The following RTTN variants were observed in gnomAD, a reference collection of about 807,000 sequenced individuals.
The protein encoded by RTTN is rotatin.
RTTN carries 182 observed loss-of-function variants against 269.2 expected under a neutral mutation model. The observed-to-expected ratio is 0.68, with a 90% CI of 0.60 to 0.76. RTTN has a LOEUF of 0.76. Ranked by LOEUF, RTTN falls within the 30% of genes least tolerant of loss-of-function variation. The pLI is 0.00. For synonymous variants in RTTN, 1,006 were observed against 963.5 expected (o/e 1.04, Z -0.82); for missense variants, 2,545 against 2,608.6 (o/e 0.98, Z 0.53).
intron 31 of RTTN, among the ~76,000 whole-genome samples, chr18:70,087,192 CAAATT>C (rs1253874569): frequency 6.6e-6 from 1 of 151,918 alleles, no homozygotes; most frequent in African/African-American, 2.4e-5. Flanking sequence ...TGAAGATGAT[CAAATT>C]AAATAATCAT....
At chr18:70,097,309 A>G (rs2059028274) in intron 28 of RTTN, among the ~76,000 whole-genome samples, 1 of 152,242 alleles carries the variant, frequency 6.6e-6, no homozygotes, top group African/African-American at 2.4e-5. Flanking sequence ...AAACAGCTTT[A>G]ATTACTAAGA....
chr18:70,183,871 G>A (rs1467233253), intron 10 of RTTN, among the ~76,000 whole-genome samples: 1 of 152,158 alleles, frequency 6.6e-6, no homozygotes, highest in African/African-American at 2.4e-5. Context: ...GGGTTCGAGT[G>A]ATCCTCCTGC....
chr18:70,203,810 T>C (rs1232525755), intron 3 of RTTN, among the ~76,000 whole-genome samples: 1 of 152,148 alleles, frequency 6.6e-6, no homozygotes, highest in African/African-American at 2.4e-5. Flanking sequence ...TAAAAATACA[T>C]TGTTATTGCC....
intron 4 of RTTN, among the ~76,000 whole-genome samples, chr18:70,200,920 C>T (rs911097822): frequency 6.6e-6 from 1 of 152,192 alleles, no homozygotes; most frequent in African/African-American, 2.4e-5. Flanking sequence ...GTGCCTAATA[C>T]ATTTTTTGGT....
At chr18:70,130,612 A>T (rs2059974495) in intron 23 of RTTN, 1 of 151,910 alleles carries the variant, frequency 6.6e-6, no homozygotes, top group Non-Finnish European at 1.5e-5. Flanking sequence ...AAAGAGTAGA[A>T]TGATGATTAC....
chr18:70,118,891 CA>C (rs2059664021), intron 26 of RTTN, among the ~76,000 whole-genome samples: 3 of 152,024 alleles, frequency 2.0e-5, no homozygotes, highest in Non-Finnish European at 4.4e-5. Context: ...AACATCCTTT[CA>C]TAATAAAAAC....
intron 10 of RTTN, among the ~76,000 whole-genome samples, chr18:70,182,372 T>C (rs1361587038): frequency 6.6e-6 from 1 of 152,086 alleles, no homozygotes; most frequent in African/African-American, 2.4e-5. Context: ...TTTAATTAAA[T>C]ATAGACCGAC....
chr18:70,111,679 T>C (rs1012645810), intron 27 of RTTN, among the ~76,000 whole-genome samples: 2 of 152,176 alleles, frequency 1.3e-5, no homozygotes, highest in Admixed American at 1.3e-4. Context: ...TATGTTCGAT[T>C]GGTGTACCTG....
intron 29 of RTTN, 115 bp from the exon 30 acceptor site, chr18:70,092,335 G>T: frequency 6.9e-6 from 5 of 721,178 alleles, no homozygotes; most frequent in South Asian, 2.0e-5. Context: ...TTTTAGACTT[G>T]GTTTTAATCC....
At chr18:70,006,658 C>T (rs1025730972) in intron 46 of RTTN, 174 bp from the exon 47 acceptor site, 1 of 582,264 alleles carries the variant, frequency 1.7e-6, no homozygotes, top group African/African-American at 1.9e-5. Flanking sequence ...GGAGGACAAC[C>T]TCAAAACATT....
intron 10 of RTTN, among the ~76,000 whole-genome samples, chr18:70,182,342 TCAGA>T (rs1215955159): frequency 6.6e-6 from 1 of 152,166 alleles, no homozygotes; most frequent in African/African-American, 2.4e-5. Flanking sequence ...CACAAGGATT[TCAGA>T]CAGCCTGTAA....
At chr18:70,145,229 A>T (rs547883174) in intron 18 of RTTN, among the ~76,000 whole-genome samples, 6 of 152,350 alleles carry the variant, frequency 3.9e-5, no homozygotes, top group African/African-American at 1.2e-4. Context: ...GTTGCAGAAA[A>T]ACAAGTTCAG....
In RTTN at chr18:70,123,845, T is replaced by C. The variant is rs2059797552; in HGVS notation, c.3384-2145A>G. On this transcript the variant is annotated intron_variant, in intron 25 of 48. Transcript: ENST00000640769. ...CAGTTTTGCCCACTGCTATATTTCC[T>C]ACAAGAGTGACACCTAGTAGGTGAT... Among the ~76,000 whole-genome samples the C allele has an allele frequency of 3.3e-5, 5 of 152,188 alleles. No homozygotes were observed. In the South Asian group the frequency reaches 1.0e-3, roughly 32 times the overall value.
chr18:70,004,102 G>T lies in RTTN; in HGVS notation c.*49C>A. 1 of 1,429,520 alleles carries T rather than the reference G, an allele frequency of 7.0e-7. No individual in the cohort carries two copies. Among genetic ancestry groups the T allele is most frequent in the Non-Finnish European group, 9.9e-7 (1 of 1,012,832 alleles). 88.6% of individuals were successfully genotyped at this position (1,429,520 alleles called of 1,614,324 possible). ...CTACACACAGCTGGCTTCAACTTTA[G>T]CTCCCCTGTTGATGACTGTCAGCTT... On this transcript the variant is annotated 3_prime_UTR_variant, in exon 49 of 49. Transcript: ENST00000640769.
At chr18:70,118,042 G>C (rs2059643314) in intron 26 of RTTN, among the ~76,000 whole-genome samples, 1 of 151,596 alleles carries the variant, frequency 6.6e-6, no homozygotes, top group Non-Finnish European at 1.5e-5. Context: ...AAGATATCAA[G>C]TAAACAACCT....
At chr18:70,074,816 G>GAATAAA (rs1373195464) in intron 33 of RTTN, 1 of 151,460 alleles carries the variant, frequency 6.6e-6, no homozygotes, top group Non-Finnish European at 1.5e-5. Flanking sequence ...CAAACAAAAG[G>GAATAAA]AATAAAAAGG....
chr18:70,080,928 T>TCTCA (rs1491280568), intron 32 of RTTN, among the ~76,000 whole-genome samples: 20 of 146,894 alleles, frequency 1.4e-4, no homozygotes, highest in African/African-American at 3.3e-4. Flanking sequence ...GTGTGTGGTA[T>TCTCA]CACACACACA....
chr18:70,150,566 T>A (rs1481425352), intron 15 of RTTN, 42 bp downstream of exon 15: 13 of 1,587,382 alleles, frequency 8.2e-6, no homozygotes, highest in Non-Finnish European at 1.1e-5. Context: ...TAGCTGAGTA[T>A]CTAAGTTACT....
intron 32 of RTTN, among the ~76,000 whole-genome samples, chr18:70,081,824 C>T (rs144139425): frequency 6.2e-4 from 94 of 151,684 alleles, no homozygotes; most frequent in Middle Eastern, 6.8e-3. Flanking sequence ...ACTGAAAATC[C>T]TTGAGTAATC....
Sources: gnomAD v4.1 joint callset for allele counts (sites outside exome capture counted in the v4.1 genomes callset) on GRCh38, gnomAD v4.1.1 for gene constraint, MANE v1.5 for transcripts, NCBI Gene and HGNC (gene_info 2026-07-23, HGNC 2026-07-21) for gene names.